Variants in MTMR12 observed in about 807,000 individuals in gnomAD.
The protein encoded by MTMR12 is myotubularin-related protein 12.
MTMR12 carries 33 observed loss-of-function variants against 96.7 expected under a neutral mutation model. The observed-to-expected ratio is 0.34, with a 90% confidence interval of 0.26 to 0.46. The LOEUF (loss-of-function observed/expected upper bound fraction) is 0.46, where lower values mean the gene tolerates loss of function less well. Ranked by LOEUF, MTMR12 falls within the 20% of genes least tolerant of loss-of-function variation. MTMR12 has a pLI of 1.00. For synonymous variants in MTMR12, 298 were observed against 327.2 expected, an observed-to-expected ratio of 0.91 and a Z score of 0.96; for missense variants, 721 against 896.1, an observed-to-expected ratio of 0.80 and a Z score of 2.49.
At chr5:32,304,918 C>T (rs922289880) in intron 1 of MTMR12, among the ~76,000 whole-genome samples, 21 of 152,278 alleles carry the variant, frequency 1.4e-4, no homozygotes, top group Admixed American at 2.6e-4. Flanking sequence ...GACAGATCAT[C>T]GGGCTAAAGC....
chr5:32,262,020 C>A (rs184043109), intron 7 of MTMR12, among the ~76,000 whole-genome samples: 10 of 151,962 alleles, frequency 6.6e-5, no homozygotes, highest in Non-Finnish European at 1.3e-4. Flanking sequence ...TACAGTGGAC[C>A]GAGATCACGC....
intron 1 of MTMR12, among the ~76,000 whole-genome samples, chr5:32,287,094 C>G (rs1750567920): frequency 6.6e-6 from 1 of 152,202 alleles, no homozygotes; most frequent in South Asian, 2.1e-4. Context: ...CTGCTGCACT[C>G]AGCAAGTGTT....
chr5:32,274,168 T>C, intron 2 of MTMR12, 46 bp from the exon 3 acceptor site: 1 of 1,596,418 alleles, frequency 6.3e-7, no homozygotes, highest in Non-Finnish European at 8.5e-7. Flanking sequence ...TCAGGGAACA[T>C]ACGATATGCA....
intron 1 of MTMR12, among the ~76,000 whole-genome samples, chr5:32,291,765 C>T (rs984308560): frequency 6.6e-6 from 1 of 152,152 alleles, no homozygotes; most frequent in Non-Finnish European, 1.5e-5. Flanking sequence ...CTGTTGAGTG[C>T]CCAGTTTGCC....
At chr5:32,277,973 TAC>T (rs1281099219) in intron 1 of MTMR12, among the ~76,000 whole-genome samples, 1 of 152,224 alleles carries the variant, frequency 6.6e-6, no homozygotes, top group Non-Finnish European at 1.5e-5. Flanking sequence ...TGCCAAGGGA[TAC>T]AGTCATTTCT....
At chr5:32,292,204 G>A (rs1581639021) in intron 1 of MTMR12, among the ~76,000 whole-genome samples, 1 of 152,178 alleles carries the variant, frequency 6.6e-6, no homozygotes, top group Non-Finnish European at 1.5e-5. Context: ...CAGGGCTGGG[G>A]CAAAGTTCTC....
Position 32,239,062 on chromosome 5 carries a change from A to G in MTMR12, c.1283T>C (p.Val428Ala). 6.2e-7 allele frequency: 1 copy of G among 1,610,876 alleles called. No individual in the cohort carries two copies. The highest frequency in any genetic ancestry group is 8.5e-7 in the Non-Finnish European group (1 of 1,178,574). The change falls in exon 13 of 16, where the codon GTC becomes GCC. Residue 428 changes from valine (V) to alanine (A), a missense_variant. Val to Ala is a moderately conservative substitution (Grantham distance 64, BLOSUM62 0). Coordinates refer to ENST00000382142, the MANE Select transcript of MTMR12 (RefSeq NM_001040446.3). ...GFQSLIQKEWVMGGHCFLDRC... is the reference protein window; with the variant it reads ...GFQSLIQKEWAMGGHCFLDRC... ...ATCCAAGAAACAGTGGCCACCCATG[A>G]CCCACTCCTTTTGGATGAGGCTCTG... is the stretch of plus-strand genomic sequence containing the variant.
chr5:32,264,813 T>C (rs1192395351), intron 6 of MTMR12, among the ~76,000 whole-genome samples: 2 of 152,110 alleles, frequency 1.3e-5, no homozygotes, highest in East Asian at 3.9e-4. Context: ...GATAATACAA[T>C]AGGTAAGATC....
chr5:32,266,879 A>G (rs1333765771), intron 6 of MTMR12, among the ~76,000 whole-genome samples: 1 of 151,992 alleles, frequency 6.6e-6, no homozygotes, highest in South Asian at 2.1e-4. Context: ...GGAGTTAGAG[A>G]CCAGCCTGGC....
Position 32,271,125 on chromosome 5 carries a change from G to A in MTMR12, c.359-178C>T, listed in dbSNP as rs1229414400. 3.9e-5 allele frequency among the ~76,000 whole-genome samples: 6 copies of A among 152,346 alleles called. No individual in the cohort carries two copies. The East Asian group carries it at 1.2e-3, about 29-fold the overall frequency. ...CCCAATCTCTTCCAGCAGGGGCCCT[G>A]GCTCTCTGAGAGCAGTCAGCGTGCT... On this transcript the variant is annotated intron_variant, in intron 4 of 15. Coordinates refer to ENST00000382142, the MANE Select transcript of MTMR12 (RefSeq NM_001040446.3).
At chr5:32,231,551 C>G (rs960521341) in intron 15 of MTMR12, among the ~76,000 whole-genome samples, 7 of 152,148 alleles carry the variant, frequency 4.6e-5, no homozygotes, top group Admixed American at 4.6e-4. Context: ...TTTTCAGGTT[C>G]ACTCTAAAAC....
chr5:32,265,684 T>G (rs1344013912), intron 6 of MTMR12, among the ~76,000 whole-genome samples: 1 of 152,244 alleles, frequency 6.6e-6, no homozygotes, highest in African/African-American at 2.4e-5. Context: ...ATGTTCAACC[T>G]AATATTACTG....
Position 32,272,988 on chromosome 5 carries a change from G to C in MTMR12, c.285+992C>G, listed in dbSNP as rs931414555. The stretch of plus-strand genomic sequence containing the variant: ...TTGGGGCCAGGATGTGCCTTGGTTG[G>C]GTTTCCACTAACATATGGTGCTCTC... On this transcript the variant is annotated intron_variant, in intron 3 of 15. Coordinates refer to ENST00000382142, the MANE Select transcript of MTMR12 (RefSeq NM_001040446.3). 3.9e-5 allele frequency among the ~76,000 whole-genome samples: 6 copies of C among 152,100 alleles called. No homozygotes were observed. In the East Asian group the frequency reaches 1.2e-3, roughly 29 times the overall value.
Position 32,229,935 on chromosome 5 carries a change from A to T in MTMR12, c.2087T>A (p.Leu696Gln), listed in dbSNP as rs749903608. 1 of 1,612,636 alleles carries T rather than the reference A, an allele frequency of 6.2e-7. No homozygotes were observed. Among genetic ancestry groups the T allele is most frequent in the South Asian group, 1.1e-5 (1 of 90,846 alleles). Reference protein sequence around the residue: ...QAPQAEAPCLLRNSARLSSLF... With the variant: ...QAPQAEAPCLQRNSARLSSLF... Reference sequence around the variant, plus strand: ...AGACGAGAGGCGGGCAGAGTTCCTCAGCAGGCAGGGGGCCTCAGCCTGGGG... The same window carrying T: ...AGACGAGAGGCGGGCAGAGTTCCTCTGCAGGCAGGGGGCCTCAGCCTGGGG... Residue 696 changes from leucine to glutamine, a missense_variant, in exon 16 of 16, where the codon CTG becomes CAG. By Grantham distance (113) the Leu-to-Gln change is moderately radical. Coordinates refer to ENST00000382142, the MANE Select transcript of MTMR12 (RefSeq NM_001040446.3).
At chr5:32,304,818 G>T (rs1031057655) in intron 1 of MTMR12, among the ~76,000 whole-genome samples, 1 of 152,196 alleles carries the variant, frequency 6.6e-6, no homozygotes, top group African/African-American at 2.4e-5. Flanking sequence ...TGCTTTCTGA[G>T]GCTCCATCTG....
chr5:32,293,102 G>A (rs892851211), intron 1 of MTMR12, among the ~76,000 whole-genome samples: 4 of 152,162 alleles, frequency 2.6e-5, no homozygotes, highest in African/African-American at 9.7e-5. Flanking sequence ...CCTTACTATT[G>A]TCTTTATTTG....
chr5:32,248,888 C>T lies in MTMR12; in HGVS notation c.790-10G>A. 1 of 1,606,146 alleles carries T rather than the reference C, an allele frequency of 6.2e-7. No homozygotes were observed. The highest frequency in any genetic ancestry group is 8.5e-7 in the Non-Finnish European group (1 of 1,172,780). ...AGGACCAACACCATATCTGTAGAAA[C>T]AAATAAAGCTTTACCAGATACAATA... On this transcript the variant is annotated splice_polypyrimidine_tract_variant and intron_variant, in intron 8 of 15. Transcript: ENST00000382142.
intron 1 of MTMR12, among the ~76,000 whole-genome samples, chr5:32,278,759 TA>T (rs1355113467): frequency 6.6e-6 from 1 of 152,164 alleles, no homozygotes; most frequent in Non-Finnish European, 1.5e-5. Flanking sequence ...TCCTGCATGT[TA>T]AAAGCTACGA....
At chr5:32,237,266 C>T (rs904676028) in intron 13 of MTMR12, among the ~76,000 whole-genome samples, 1 of 152,208 alleles carries the variant, frequency 6.6e-6, no homozygotes, top group African/African-American at 2.4e-5. Context: ...TTTCATTTTT[C>T]CTTCCAACAA....
Sources: allele counts gnomAD v4.1 joint callset (sites outside exome capture counted in the v4.1 genomes callset), GRCh38; gene constraint gnomAD v4.1.1; transcripts MANE v1.5; gene names NCBI Gene and HGNC (gene_info 2026-07-23, HGNC 2026-07-21).